LINC01488: variants seen among roughly 807,000 people sequenced by gnomAD.
LINC01488 encodes CCND1-upstream intergenic DNA repair 1.
intron 1 of LINC01488, among the ~76,000 whole-genome samples, chr11:69,489,759 A>G (rs1857189038): frequency 6.6e-6 from 1 of 152,254 alleles, no homozygotes; most frequent in Non-Finnish European, 1.5e-5. Flanking sequence ...ACCACAGTCA[A>G]GAAAGAGGGT....
At chr11:69,484,161 G>A (rs1002097660) in intron 1 of LINC01488, among the ~76,000 whole-genome samples, 1 of 152,196 alleles carries the variant, frequency 6.6e-6, no homozygotes, top group Non-Finnish European at 1.5e-5. Flanking sequence ...TAGAACCTGC[G>A]TTCTGCAGCT....
At chr11:69,483,031 C>T (rs1187944907) in intron 1 of LINC01488, among the ~76,000 whole-genome samples, 1 of 152,182 alleles carries the variant, frequency 6.6e-6, no homozygotes, top group East Asian at 1.9e-4. Context: ...GTTAAGACTT[C>T]AACATACGAA....
chr11:69,488,757 A>G (rs1049962218), intron 1 of LINC01488, among the ~76,000 whole-genome samples: 3 of 152,324 alleles, frequency 2.0e-5, no homozygotes, highest in East Asian at 3.9e-4. Context: ...AATGGCCATC[A>G]GTCACCAGCA....
intron 1 of LINC01488, among the ~76,000 whole-genome samples, chr11:69,484,282 G>T (rs1471745385): frequency 6.6e-6 from 1 of 152,198 alleles, no homozygotes; most frequent in African/African-American, 2.4e-5. Flanking sequence ...CCGGTGAGAG[G>T]ACACAGAGGC....
intron 1 of LINC01488, among the ~76,000 whole-genome samples, chr11:69,485,368 G>A (rs1033959536): frequency 6.6e-6 from 1 of 152,220 alleles, no homozygotes; most frequent in Non-Finnish European, 1.5e-5. Flanking sequence ...AGTCAGGGTT[G>A]ATGATGCCAC....
intron 1 of LINC01488, among the ~76,000 whole-genome samples, chr11:69,484,268 C>T (rs558028178): frequency 1.3e-5 from 2 of 152,300 alleles, no homozygotes; most frequent in African/African-American, 4.8e-5. Context: ...AGAGTCAGCG[C>T]TGCCCGGTGA....
At chr11:69,484,119 G>A (rs1857078344) in intron 1 of LINC01488, among the ~76,000 whole-genome samples, 1 of 152,186 alleles carries the variant, frequency 6.6e-6, no homozygotes, top group Non-Finnish European at 1.5e-5. Flanking sequence ...TCCAGGGAAG[G>A]GAGGGTGCTC....
chr11:69,482,149 A>G (rs2134964288), intron 1 of LINC01488, among the ~76,000 whole-genome samples: 1 of 152,348 alleles, frequency 6.6e-6, no homozygotes, highest in Admixed American at 6.5e-5. Context: ...GAGGCCTCAC[A>G]ATCATGGCAG....
chr11:69,493,000 C>T (rs1167097031), exon 4 of LINC01488: 2 of 152,290 alleles, frequency 1.3e-5, no homozygotes, highest in Admixed American at 6.5e-5. Flanking sequence ...CAGTCCCTCA[C>T]CTGCCACACA....
At chr11:69,485,602 G>C (rs1249216793) in intron 1 of LINC01488, 1 of 152,536 alleles carries the variant, frequency 6.6e-6, no homozygotes, top group East Asian at 1.9e-4. Context: ...GCACAGGTGG[G>C]GGATGGGGCT....
intron 1 of LINC01488, among the ~76,000 whole-genome samples, chr11:69,482,829 CT>C (rs946575808): frequency 1.3e-5 from 2 of 152,202 alleles, no homozygotes; most frequent in Non-Finnish European, 2.9e-5. Context: ...TCTGCAGTCT[CT>C]TTCCTTGGCT....
intron 1 of LINC01488, among the ~76,000 whole-genome samples, chr11:69,482,416 A>ATGGATGGATGAGTGGATGGATGGACGAG (rs1857055861): frequency 6.6e-6 from 1 of 152,076 alleles, no homozygotes; most frequent in Admixed American, 6.5e-5. Flanking sequence ...GGATGAATGG[A>ATGGATGGATGAGTGGATGGATGGACGAG]TGGATGGATG....
chr11:69,488,079 C>T (rs1857153635), intron 1 of LINC01488: 1 of 152,334 alleles, frequency 6.6e-6, no homozygotes, highest in South Asian at 2.1e-4. Context: ...CCCTGATAAT[C>T]CTGCATGCAC....
At chr11:69,488,064 C>G (rs975441174) in intron 1 of LINC01488, 1 of 152,426 alleles carries the variant, frequency 6.6e-6, no homozygotes, top group Non-Finnish European at 1.5e-5. Context: ...CATGCCACCC[C>G]TCAACCCTGA....
chr11:69,485,794 C>G (rs1482118278), intron 1 of LINC01488: 1 of 152,312 alleles, frequency 6.6e-6, no homozygotes, highest in Non-Finnish European at 1.5e-5. Flanking sequence ...TGCTGCCACT[C>G]TGCTTCCTGA....
At chr11:69,483,891 A>G (rs1278660956) in intron 1 of LINC01488, among the ~76,000 whole-genome samples, 1 of 152,108 alleles carries the variant, frequency 6.6e-6, no homozygotes, top group African/African-American at 2.4e-5. Context: ...CTGGGGCCGG[A>G]AACCAGGGGC....
chr11:69,482,946 G>C (rs1857063252), intron 1 of LINC01488, among the ~76,000 whole-genome samples: 1 of 152,136 alleles, frequency 6.6e-6, no homozygotes, highest in Non-Finnish European at 1.5e-5. Flanking sequence ...GACCCACCCT[G>C]GTGACCTCCT....
At chr11:69,481,927 GTGGATGGATGGATAGATGAGTAGA>G (rs1857051779) in intron 1 of LINC01488, 1 of 151,542 alleles carries the variant, frequency 6.6e-6, no homozygotes, top group Non-Finnish European at 1.5e-5. Context: ...GGTTGGATGA[GTGGATGGATGGATAGATGAGTAGA>G]TGGATGGATG....
chr11:69,486,949 C>T (rs950536294), intron 1 of LINC01488, among the ~76,000 whole-genome samples: 2 of 152,230 alleles, frequency 1.3e-5, no homozygotes, highest in African/African-American at 4.8e-5. Flanking sequence ...GGGCCCAGAG[C>T]TGCACGGCCT....
Sources: gnomAD v4.1 joint callset for allele counts (sites outside exome capture counted in the v4.1 genomes callset) on GRCh38, gnomAD v4.1.1 for gene constraint, MANE v1.5 for transcripts, NCBI Gene and HGNC (gene_info 2026-07-23, HGNC 2026-07-21) for gene names.